Variants in CTNNA2 observed in about 807,000 individuals in gnomAD.
The protein encoded by CTNNA2 is catenin alpha-2.
Under a neutral mutation model 101.0 loss-of-function variants are expected in CTNNA2, and 42 were observed. That is an observed-to-expected ratio of 0.42 (90% confidence interval 0.32 to 0.54). CTNNA2 has a LOEUF of 0.54. Ranked by LOEUF, CTNNA2 falls within the 20% of genes least tolerant of loss-of-function variation. The pLI, the probability that CTNNA2 is intolerant of heterozygous loss-of-function variation, is 0.14. For synonymous variants in CTNNA2, 450 were observed against 456.4 expected, an observed-to-expected ratio of 0.99 and a Z score of 0.18; for missense variants, 871 against 1,223.1, an observed-to-expected ratio of 0.71 and a Z score of 4.29.
intron 7 of CTNNA2, among the ~76,000 whole-genome samples, chr2:80,265,940 G>A (rs1672970220): frequency 6.6e-6 from 1 of 152,190 alleles, no homozygotes; most frequent in African/African-American, 2.4e-5. Flanking sequence ...TTTAACTTCA[G>A]CTGATTCTGG....
intron 8 of CTNNA2, among the ~76,000 whole-genome samples, chr2:80,401,714 C>G (rs1204204220): frequency 2.6e-5 from 4 of 152,030 alleles, no homozygotes; most frequent in African/African-American, 4.8e-5. Flanking sequence ...ATCTCCTTGG[C>G]CTCTATTAGA....
intron 7 of CTNNA2, among the ~76,000 whole-genome samples, chr2:80,101,169 G>A (rs1318297763): frequency 1.3e-5 from 2 of 152,020 alleles, no homozygotes; most frequent in South Asian, 2.1e-4. Flanking sequence ...TAGCTCTTAT[G>A]TTTCCCTACC....
intron 15 of CTNNA2, among the ~76,000 whole-genome samples, chr2:80,600,161 G>C (rs938959571): frequency 1.3e-5 from 2 of 151,684 alleles, no homozygotes; most frequent in Non-Finnish European, 2.9e-5. Context: ...GTTACTGGTT[G>C]GAAAAATAAA....
chr2:79,517,372 T>C (rs75176443), intron 1 of CTNNA2, among the ~76,000 whole-genome samples: 1,656 of 152,284 alleles, frequency 0.011, 32 homozygotes, highest in African/African-American at 0.038. Flanking sequence ...TCCCAAATAG[T>C]AAAATGTTTC....
intron 8 of CTNNA2, among the ~76,000 whole-genome samples, chr2:80,403,140 T>C (rs1229651666): frequency 6.6e-6 from 1 of 152,240 alleles, no homozygotes; most frequent in African/African-American, 2.4e-5. Flanking sequence ...TAGTGCAGTG[T>C]TGAGTCATGT....
Position 79,974,941 on chromosome 2 carries a change from G to T in CTNNA2, c.1056+65144G>T, listed in dbSNP as rs75371320. Among the ~76,000 whole-genome samples the T allele has an allele frequency of 5.9e-3, 903 of 152,194 alleles. 10 individuals carry two copies. The highest frequency in any genetic ancestry group is 0.021 in the African/African-American group (860 of 41,536). The stretch of plus-strand genomic sequence containing the variant: ...AGGTGACTTTCCATGCAGATACCTG[G>T]AGAACAGAGCGTCATACCAAGTAGA... On this transcript the variant is annotated intron_variant, in intron 7 of 18. Coordinates refer to ENST00000402739, the MANE Select transcript of CTNNA2 (RefSeq NM_001282597.3).
chr2:79,823,475 A>G (rs1678180593), intron 3 of CTNNA2, among the ~76,000 whole-genome samples: 1 of 152,086 alleles, frequency 6.6e-6, no homozygotes, highest in African/African-American at 2.4e-5. Flanking sequence ...CTGAGATCGC[A>G]TCACTGCACT....
At chr2:79,252,496 C>T (rs530400961) in intron 2 of CTNNA2, among the ~76,000 whole-genome samples, 12 of 151,962 alleles carry the variant, frequency 7.9e-5, no homozygotes, top group Non-Finnish European at 1.6e-4. Context: ...TTTTAATGTA[C>T]AATGTATAGG....
intron 1 of CTNNA2, among the ~76,000 whole-genome samples, chr2:79,570,890 A>G (rs922104115): frequency 4.6e-5 from 7 of 152,174 alleles, no homozygotes; most frequent in African/African-American, 1.7e-4. Context: ...AGAAAATGTA[A>G]ATATGAAACA....
At chr2:79,916,558 TCCCC>T (rs1686227567) in intron 7 of CTNNA2, among the ~76,000 whole-genome samples, 1 of 19,784 alleles carries the variant, frequency 5.1e-5, no homozygotes, top group African/African-American at 2.5e-4. Context: ...TCCCCTCCCC[TCCCC>T]TCCCCTCCCT....
At chr2:79,794,861 G>C (rs1675574881) in intron 3 of CTNNA2, among the ~76,000 whole-genome samples, 1 of 152,126 alleles carries the variant, frequency 6.6e-6, no homozygotes, top group Non-Finnish European at 1.5e-5. Context: ...TCCCTCTTCA[G>C]TTGACCATTG....
chr2:80,550,650 G>T (rs1412599201), intron 11 of CTNNA2, among the ~76,000 whole-genome samples: 1 of 152,148 alleles, frequency 6.6e-6, no homozygotes, highest in Non-Finnish European at 1.5e-5. Flanking sequence ...AAGCCGCTTT[G>T]CTCATACATA....
intron 1 of CTNNA2, among the ~76,000 whole-genome samples, chr2:79,589,721 C>A (rs1033224407): frequency 6.6e-6 from 1 of 150,866 alleles, no homozygotes; most frequent in African/African-American, 2.4e-5. Flanking sequence ...TTTTTTTCCC[C>A]CCCCCGAGAC....
chr2:80,028,932 T>G (rs1284331715), intron 7 of CTNNA2, among the ~76,000 whole-genome samples: 1 of 152,244 alleles, frequency 6.6e-6, no homozygotes, highest in Non-Finnish European at 1.5e-5. Flanking sequence ...AATTCTGACC[T>G]CTGGAACTAT....
intron 7 of CTNNA2, among the ~76,000 whole-genome samples, chr2:80,360,026 T>C (rs1444649123): frequency 6.6e-6 from 1 of 152,170 alleles, no homozygotes; most frequent in African/African-American, 2.4e-5. Context: ...TACCATCATA[T>C]AGTTATCCAT....
At chr2:80,157,002 C>T (rs1202333160) in intron 7 of CTNNA2, among the ~76,000 whole-genome samples, 1 of 152,200 alleles carries the variant, frequency 6.6e-6, no homozygotes, top group African/African-American at 2.4e-5. Flanking sequence ...CTCCATGAGA[C>T]TTTCTGTCCC....
intron 7 of CTNNA2, among the ~76,000 whole-genome samples, chr2:79,910,466 ACT>A (rs1685710417): frequency 6.6e-6 from 1 of 152,070 alleles, no homozygotes; most frequent in African/African-American, 2.4e-5. Flanking sequence ...AGGTGATGAA[ACT>A]CATATTCTTT....
intron 2 of CTNNA2, among the ~76,000 whole-genome samples, chr2:79,311,408 C>CAAAAAA (rs753633073): frequency 2.7e-3 from 178 of 66,952 alleles, no homozygotes; most frequent in African/African-American, 6.1e-3. Flanking sequence ...GACTCCGTCT[C>CAAAAAA]AAAAAAAAAA....
intron 1 of CTNNA2, among the ~76,000 whole-genome samples, chr2:79,187,265 CTTTTCTTTTT>C: frequency 1.2e-5 from 1 of 83,396 alleles, no homozygotes; most frequent in Admixed American, 1.4e-4. Context: ...CTTTTCTTTT[CTTTTCTTTTT>C]TTTTTTTTTT....
Sources: allele counts gnomAD v4.1 joint callset (sites outside exome capture counted in the v4.1 genomes callset), GRCh38; gene constraint gnomAD v4.1.1; transcripts MANE v1.5; gene names NCBI Gene and HGNC (gene_info 2026-07-23, HGNC 2026-07-21).